The following CDH13 variants were observed in gnomAD, a reference collection of about 807,000 sequenced individuals.
The protein encoded by CDH13 is cadherin 13, also known as cadherin-13.
CDH13 carries 24 observed loss-of-function variants against 63.8 expected under a neutral mutation model. The ratio of observed to expected loss-of-function variants is 0.38; its 90% CI spans 0.27 to 0.53. The LOEUF is 0.53. Ranked by LOEUF, CDH13 falls within the 20% of genes least tolerant of loss-of-function variation. The pLI is 0.85. For synonymous variants in CDH13, 503 were observed against 355.3 expected (o/e 1.42, Z -4.67); for missense variants, 1,049 against 903.1 (o/e 1.16, Z -2.07).
chr16:82,770,832 C>T (rs1841679), intron 1 of CDH13, among the ~76,000 whole-genome samples: 2,608 of 152,174 alleles, frequency 0.017, 77 homozygotes, highest in African/African-American at 0.058. Context: ...CTCAGCCTCC[C>T]GAGTAGCTGG....
intron 7 of CDH13, among the ~76,000 whole-genome samples, chr16:83,538,566 T>C (rs967523606): frequency 1.1e-4 from 17 of 152,318 alleles, no homozygotes; most frequent in African/African-American, 4.1e-4. Flanking sequence ...CCTAAAATAA[T>C]AGGATGTCCT....
At chr16:83,438,685 C>G (rs1337808787) in intron 6 of CDH13, among the ~76,000 whole-genome samples, 1 of 152,196 alleles carries the variant, frequency 6.6e-6, no homozygotes, top group Non-Finnish European at 1.5e-5. Flanking sequence ...CGTTCTTTCC[C>G]ACAAATCCCT....
At chr16:83,486,329 CAT>C in intron 6 of CDH13, 146 bp from the exon 7 acceptor site, 1 of 571,308 alleles carries the variant, frequency 1.8e-6, no homozygotes, top group Admixed American at 3.3e-5. Context: ...AAAGCTGAAA[CAT>C]AGCAAAGCTT....
At chr16:82,638,627 T>C (rs1319698367) in intron 1 of CDH13, among the ~76,000 whole-genome samples, 1 of 152,122 alleles carries the variant, frequency 6.6e-6, no homozygotes, top group Non-Finnish European at 1.5e-5. Flanking sequence ...TGACTGTGCA[T>C]GTCATAATGC....
chr16:83,474,423 C>T (rs12164983), intron 6 of CDH13, among the ~76,000 whole-genome samples: 16,725 of 152,178 alleles, frequency 0.11, 1,000 homozygotes, highest in Non-Finnish European at 0.13. Context: ...CAAGGCCCCA[C>T]ACCAGGCCAG....
chr16:83,502,200 A>G (rs2151588567), intron 7 of CDH13, among the ~76,000 whole-genome samples: 1 of 152,304 alleles, frequency 6.6e-6, no homozygotes. Flanking sequence ...TGATTAAGTC[A>G]AATATATTGA....
intron 4 of CDH13, among the ~76,000 whole-genome samples, chr16:83,175,445 G>C (rs2038084514): frequency 6.6e-6 from 1 of 152,088 alleles, no homozygotes; most frequent in South Asian, 2.1e-4. Context: ...AGCCAGTGTG[G>C]AGACTGGGGA....
At chr16:82,865,610 G>T (rs759271835) in intron 2 of CDH13, among the ~76,000 whole-genome samples, 2 of 152,222 alleles carry the variant, frequency 1.3e-5, no homozygotes, top group Non-Finnish European at 2.9e-5. Context: ...CCTGGGTCTG[G>T]CCCATGAGAC....
At chr16:83,083,208 A>C (rs949959496) in intron 3 of CDH13, among the ~76,000 whole-genome samples, 3 of 152,246 alleles carry the variant, frequency 2.0e-5, no homozygotes, top group Admixed American at 1.3e-4. Context: ...TAAATACAGC[A>C]TCTTACTTGA....
At chr16:82,781,592 C>A (rs1388064387) in intron 1 of CDH13, among the ~76,000 whole-genome samples, 1 of 152,090 alleles carries the variant, frequency 6.6e-6, no homozygotes, top group Non-Finnish European at 1.5e-5. Flanking sequence ...ACTTATTCAC[C>A]AATCCACCTA....
intron 6 of CDH13, among the ~76,000 whole-genome samples, chr16:83,434,843 A>ATGTGTG (rs1442298017): frequency 6.4e-4 from 40 of 62,730 alleles, no homozygotes; most frequent in African/African-American, 2.9e-3. Flanking sequence ...TAAAATATAT[A>ATGTGTG]TATATGTGTG....
At chr16:82,945,769 C>T (rs909723167) in intron 2 of CDH13, among the ~76,000 whole-genome samples, 1 of 152,024 alleles carries the variant, frequency 6.6e-6, no homozygotes, top group Non-Finnish European at 1.5e-5. Context: ...TTTGATAGGC[C>T]AAAAGTATTA....
intron 7 of CDH13, among the ~76,000 whole-genome samples, chr16:83,534,225 G>A (rs1251161993): frequency 5.3e-5 from 8 of 152,172 alleles, no homozygotes; most frequent in South Asian, 2.1e-4. Context: ...AAAGAGGAGC[G>A]CATTAGGAAG....
intron 1 of CDH13, among the ~76,000 whole-genome samples, chr16:82,656,767 T>C (rs1911343562): frequency 6.6e-6 from 1 of 152,166 alleles, no homozygotes; most frequent in Non-Finnish European, 1.5e-5. Context: ...CCCCTGGCAA[T>C]CCACCGATCT....
chr16:82,944,039 T>C (rs1268000755), intron 2 of CDH13, among the ~76,000 whole-genome samples: 7 of 152,144 alleles, frequency 4.6e-5, no homozygotes, highest in Non-Finnish European at 8.8e-5. Flanking sequence ...CCCCTTGAGA[T>C]TAAGTATTTA....
intron 7 of CDH13, among the ~76,000 whole-genome samples, chr16:83,575,289 TA>T (rs1193277843): frequency 6.6e-6 from 1 of 152,212 alleles, no homozygotes; most frequent in Admixed American, 6.5e-5. Context: ...ACACTTTAAA[TA>T]GGTGGATTGT....
intron 2 of CDH13, among the ~76,000 whole-genome samples, chr16:82,969,478 CTT>C (rs10652088): frequency 3.8e-5 from 5 of 131,164 alleles, no homozygotes; most frequent in Admixed American, 7.8e-5. Flanking sequence ...TCTGCATATT[CTT>C]TTTTTTTTTT....
At chr16:83,713,121 C>T (rs993818590) in intron 10 of CDH13, among the ~76,000 whole-genome samples, 1 of 152,180 alleles carries the variant, frequency 6.6e-6, no homozygotes, top group African/African-American at 2.4e-5. Flanking sequence ...GTGTTTGAGC[C>T]TCCATCTCTA....
At chr16:83,422,313 A>G (rs1412943197) in intron 6 of CDH13, among the ~76,000 whole-genome samples, 2 of 152,184 alleles carry the variant, frequency 1.3e-5, no homozygotes, top group Admixed American at 6.5e-5. Context: ...ATTCTCTTTA[A>G]TAGGGGAACT....
Sources: gnomAD v4.1 joint callset for allele counts (sites outside exome capture counted in the v4.1 genomes callset) on GRCh38, gnomAD v4.1.1 for gene constraint, MANE v1.5 for transcripts, NCBI Gene and HGNC (gene_info 2026-07-23, HGNC 2026-07-21) for gene names.